ROBO2: variants seen among roughly 807,000 people sequenced by gnomAD.
ROBO2 encodes roundabout homolog 2.
Under a neutral mutation model 160.8 loss-of-function variants are expected in ROBO2, and 53 were observed. The ratio of observed to expected loss-of-function variants is 0.33; its 90% confidence interval spans 0.26 to 0.41. The LOEUF (loss-of-function observed/expected upper bound fraction) is 0.41. Ranked by LOEUF, ROBO2 falls within the 10% of genes least tolerant of loss-of-function variation. The pLI, the probability that ROBO2 is intolerant of heterozygous loss-of-function variation, is 1.00. For synonymous variants in ROBO2, 664 were observed against 611.7 expected, an observed-to-expected ratio of 1.09 and a Z score of -1.26; for missense variants, 1,577 against 1,722.4, an observed-to-expected ratio of 0.92 and a Z score of 1.49.
At chr3:77,614,148 A>G (rs182358187) in intron 21 of ROBO2, among the ~76,000 whole-genome samples, 8 of 152,342 alleles carry the variant, frequency 5.3e-5, no homozygotes, top group Admixed American at 2.6e-4. Flanking sequence ...AAATCTTCTT[A>G]TTCAGACCAT....
intron 2 of ROBO2, among the ~76,000 whole-genome samples, chr3:76,749,254 A>G (rs1467126060): frequency 1.3e-5 from 2 of 151,828 alleles, no homozygotes; most frequent in Non-Finnish European, 2.9e-5. Flanking sequence ...ATTTCTTTAG[A>G]AAAAAATAGA....
chr3:77,052,367 G>C (rs2065309544), intron 1 of ROBO2, among the ~76,000 whole-genome samples: 1 of 151,686 alleles, frequency 6.6e-6, no homozygotes, highest in Admixed American at 6.6e-5. Flanking sequence ...AGTCCACTCA[G>C]AGCAATAATA....
At chr3:77,074,879 A>G (rs1232200917) in intron 1 of ROBO2, among the ~76,000 whole-genome samples, 1 of 152,174 alleles carries the variant, frequency 6.6e-6, no homozygotes, top group African/African-American at 2.4e-5. Flanking sequence ...AAAATGCTAC[A>G]TGTGGATGTT....
intron 2 of ROBO2, among the ~76,000 whole-genome samples, chr3:76,602,078 G>A (rs2087193838): frequency 6.6e-6 from 1 of 152,178 alleles, no homozygotes; most frequent in Admixed American, 6.5e-5. Flanking sequence ...CTTTGCTCCA[G>A]TTTCCAGCAG....
intron 2 of ROBO2, 86 bp downstream of exon 2, chr3:77,098,426 C>A: frequency 7.4e-7 from 1 of 1,345,018 alleles, no homozygotes; most frequent in Non-Finnish European, 1.1e-6. Flanking sequence ...ACGCTGAAAC[C>A]TAAAGAATCA....
Position 76,326,602 on chromosome 3 carries a change from CTTTTA to C in ROBO2, c.109+389004_109+389008del, listed in dbSNP as rs534698497. 5.8e-3 allele frequency among the ~76,000 whole-genome samples: 875 copies of C among 150,972 alleles called. 7 individuals are homozygous for C. The highest frequency in any genetic ancestry group is 0.02 in the African/African-American group (825 of 40,478). On this transcript the variant is annotated intron_variant, in intron 2 of 26. Coordinates refer to the ROBO2 transcript ENST00000487694. ...ATTTATTCATATGCAGAATTATTAT[CTTTTA>C]TTTATTTATTTATTTATTTTTATTA...
Position 77,428,533 on chromosome 3 carries a change from T to C in ROBO2, c.389-48881T>C, listed in dbSNP as rs889164913. ...CACCGCGCCCGGCTAATTTTTTGTATTTTTAGTAGAGACGGGGTTTCACCT... is the reference window on the plus strand; with the variant it reads ...CACCGCGCCCGGCTAATTTTTTGTACTTTTAGTAGAGACGGGGTTTCACCT... On this transcript the variant is annotated intron_variant, in intron 2 of 25. Transcript: ENST00000461745. Among the ~76,000 whole-genome samples the C allele has an allele frequency of 1.2e-3, 176 of 150,682 alleles. 2 individuals are homozygous for C. The highest frequency in any genetic ancestry group is 3.9e-3 in the African/African-American group (158 of 40,968).
At chr3:76,275,178 AG>A (rs1283026056) in intron 2 of ROBO2, among the ~76,000 whole-genome samples, 1 of 152,198 alleles carries the variant, frequency 6.6e-6, no homozygotes, top group Admixed American at 6.5e-5. Context: ...CAATAATATC[AG>A]GTGAATTCAA....
intron 2 of ROBO2, among the ~76,000 whole-genome samples, chr3:76,056,699 G>A (rs1424269174): frequency 6.6e-6 from 1 of 152,104 alleles, no homozygotes; most frequent in Non-Finnish European, 1.5e-5. Flanking sequence ...ATGATGGGAG[G>A]GTTGCAGATG....
intron 2 of ROBO2, among the ~76,000 whole-genome samples, chr3:76,852,012 A>G (rs1306516959): frequency 1.3e-5 from 2 of 152,092 alleles, no homozygotes; most frequent in Admixed American, 6.6e-5. Context: ...CATAAAAAAG[A>G]CAGTCACCCA....
At chr3:76,307,647 A>G (rs1357594504) in intron 2 of ROBO2, among the ~76,000 whole-genome samples, 1 of 151,506 alleles carries the variant, frequency 6.6e-6, no homozygotes. Flanking sequence ...AGCCCTTTCC[A>G]GTTTCCCAAG....
chr3:76,599,492 T>C (rs528737719), intron 2 of ROBO2, among the ~76,000 whole-genome samples: 2 of 152,294 alleles, frequency 1.3e-5, no homozygotes, highest in Admixed American at 6.5e-5. Flanking sequence ...TTATTGTGAA[T>C]AGTGCTGCAA....
At chr3:77,057,569 A>ATTTTTTTTTTTTTTTTTTTTTTTTT (rs71104648) in intron 1 of ROBO2, among the ~76,000 whole-genome samples, 1 of 105,274 alleles carries the variant, frequency 9.5e-6, no homozygotes, top group Non-Finnish European at 1.8e-5. Flanking sequence ...ATTCCAGAGG[A>ATTTTTTTTTTTTTTTTTTTTTTTTT]TTTTTTTTTT....
intron 2 of ROBO2, among the ~76,000 whole-genome samples, chr3:76,785,516 A>AT (rs1397662039): frequency 1.3e-5 from 2 of 151,198 alleles, no homozygotes; most frequent in East Asian, 3.9e-4. Flanking sequence ...ATGTTTGGTG[A>AT]TTTTGTTGTA....
intron 2 of ROBO2, among the ~76,000 whole-genome samples, chr3:76,972,939 A>T (rs1349464090): frequency 2.6e-5 from 4 of 152,240 alleles, no homozygotes; most frequent in African/African-American, 7.2e-5. Context: ...TCAACTGCTA[A>T]CAAGTCCATA....
At chr3:76,913,807 G>A (rs545316606) in intron 2 of ROBO2, among the ~76,000 whole-genome samples, 1 of 152,216 alleles carries the variant, frequency 6.6e-6, no homozygotes, top group South Asian at 2.1e-4. Context: ...TACTCCTTTA[G>A]AGGAGTAACT....
intron 2 of ROBO2, among the ~76,000 whole-genome samples, chr3:75,977,409 G>A (rs957262557): frequency 6.6e-6 from 1 of 151,520 alleles, no homozygotes; most frequent in Non-Finnish European, 1.5e-5. Context: ...ATAGTTAATT[G>A]TAGACATAAA....
At position 77,026,325 on chromosome 3, in the gene ROBO2, T is replaced by G. The variant is rs574334480; in HGVS notation, c.110-71689T>G. ...GTGATATTAGAATAAGGCAGATACC[T>G]TATTTCTATGAAATATAGTAGATGA... On this transcript the variant is annotated intron_variant, in intron 2 of 26. Transcript: ENST00000487694. Among the ~76,000 whole-genome samples the G allele has an allele frequency of 2.1e-3, 313 of 152,310 alleles. 3 individuals carry two copies. The highest frequency in any genetic ancestry group is 0.01 in the Middle Eastern group (3 of 294).
chr3:77,343,537 A>G (rs1364070783), intron 2 of ROBO2, among the ~76,000 whole-genome samples: 6 of 152,156 alleles, frequency 3.9e-5, no homozygotes, highest in Non-Finnish European at 8.8e-5. Context: ...AGGTTGCCCA[A>G]CCATATGCAG....
Sources: gnomAD v4.1 joint callset for allele counts (sites outside exome capture counted in the v4.1 genomes callset) on GRCh38, gnomAD v4.1.1 for gene constraint, MANE v1.5 for transcripts, NCBI Gene and HGNC (gene_info 2026-07-23, HGNC 2026-07-21) for gene names.